The following KIRREL1 variants were observed in gnomAD, a reference collection of about 807,000 sequenced individuals.
KIRREL1 encodes the protein kin of IRRE-like protein 1.
Under a neutral mutation model 83.3 loss-of-function variants are expected in KIRREL1, and 25 were observed. The observed-to-expected ratio is 0.30, with a 90% CI of 0.22 to 0.42. The LOEUF is 0.42. Among genes scored for constraint, KIRREL1 ranks in the 10% least tolerant of loss-of-function variants. The pLI is 1.00. For missense variants in KIRREL1, 812 were observed against 1,032.3 expected (o/e 0.79, Z 2.92); for synonymous variants, 388 against 410.4 (o/e 0.95, Z 0.66).
At chr1:158,071,568 A>T (rs1226741508) in intron 1 of KIRREL1, among the ~76,000 whole-genome samples, 1 of 152,106 alleles carries the variant, frequency 6.6e-6, no homozygotes, top group Admixed American at 6.5e-5. Context: ...CCAGAATTTG[A>T]CCCAGCAATG....
chr1:158,093,249 G>A, intron 11 of KIRREL1, 90 bp from the exon 12 acceptor site: 1 of 1,055,012 alleles, frequency 9.5e-7, no homozygotes. Flanking sequence ...GGTTGCCTCT[G>A]TGGCTGTGGC....
At chr1:158,011,028 C>T (rs948741647) in intron 1 of KIRREL1, among the ~76,000 whole-genome samples, 10 of 152,092 alleles carry the variant, frequency 6.6e-5, no homozygotes, top group African/African-American at 2.4e-4. Flanking sequence ...AAATGAAAAC[C>T]AGGGCCCTCT....
chr1:158,075,647 G>A (rs1260669256), intron 1 of KIRREL1, among the ~76,000 whole-genome samples: 3 of 152,188 alleles, frequency 2.0e-5, no homozygotes, highest in African/African-American at 4.8e-5. Context: ...CACATGACAC[G>A]CGTCTAAGTA....
At chr1:158,010,396 T>C (rs866630919) in intron 1 of KIRREL1, among the ~76,000 whole-genome samples, 126 of 44,578 alleles carry the variant, frequency 2.8e-3, no homozygotes, top group East Asian at 4.5e-3. Context: ...CACACATGCA[T>C]ACACACACAC....
At chr1:158,058,148 C>T (rs1230111006) in intron 1 of KIRREL1, among the ~76,000 whole-genome samples, 5 of 152,120 alleles carry the variant, frequency 3.3e-5, no homozygotes, top group Admixed American at 3.3e-4. Context: ...AGTGGAAGCT[C>T]CCAGAGGGCC....
At chr1:158,083,586 C>T (rs1019442664) in intron 3 of KIRREL1, among the ~76,000 whole-genome samples, 3 of 152,226 alleles carry the variant, frequency 2.0e-5, no homozygotes, top group Admixed American at 2.0e-4. Context: ...GTGGCACATA[C>T]TTAGCTGTGC....
intron 1 of KIRREL1, among the ~76,000 whole-genome samples, chr1:157,998,899 A>C (rs1439506795): frequency 2.0e-5 from 3 of 152,200 alleles, no homozygotes; most frequent in Non-Finnish European, 4.4e-5. Flanking sequence ...TTTCAGGTTA[A>C]TGTTACTCCC....
Position 158,094,261 on chromosome 1 carries a change from CGAAAA to C in KIRREL1, c.1720-49_1720-45del. On this transcript the variant is annotated intron_variant, in intron 13 of 14. Transcript: ENST00000359209. This position sits in a 1 kb window ranked among gnomAD's most constrained non-coding sequence, Gnocchi z 4.6. The stretch of plus-strand genomic sequence containing the variant: ...AGCGTGGGGAGGGGTTGGTGAGGGG[CGAAAA>C]GAGCAGGGCTTCCGTCTGCTGACGT... 6.6e-7 allele frequency: 1 copy of C among 1,518,394 alleles called. No homozygotes were observed. The highest frequency in any genetic ancestry group is 9.0e-7 in the Non-Finnish European group (1 of 1,112,152). The allele number at this position is 1,518,394 out of a possible 1,614,324, so 94.1% of individuals were successfully genotyped here.
chr1:158,093,260 C>G, intron 11 of KIRREL1, 79 bp from the exon 12 acceptor site: 1 of 1,229,930 alleles, frequency 8.1e-7, no homozygotes, highest in Non-Finnish European at 1.2e-6. Context: ...TGGCTGTGGC[C>G]TAGCCTTTAG....
Position 158,096,760 on chromosome 1 carries a change from C to T in KIRREL1, c.*1640C>T, listed in dbSNP as rs767007463. 2.2e-5 allele frequency: 10 copies of T among 456,614 alleles called. No individual in the cohort carries two copies. The highest frequency in any genetic ancestry group is 4.7e-5 in the Admixed American group (2 of 42,562). The allele number at this position is 456,614 out of a possible 1,614,324, so 28.3% of individuals were successfully genotyped here. On this transcript the variant is annotated 3_prime_UTR_variant, in exon 15 of 15. Coordinates refer to ENST00000359209, the MANE Select transcript of KIRREL1 (RefSeq NM_018240.7). ...AGAACCTGTACCCCTGCCCCAGCCT[C>T]GCCTTCCTAAAAAGCAGTGTCTGGA...
At chr1:158,050,344 C>A (rs1660878914) in intron 1 of KIRREL1, among the ~76,000 whole-genome samples, 1 of 151,936 alleles carries the variant, frequency 6.6e-6, no homozygotes, top group South Asian at 2.1e-4. Flanking sequence ...AGATGAAATA[C>A]CTGAGGCCCA....
chr1:158,001,454 A>C (rs964627908), intron 1 of KIRREL1, among the ~76,000 whole-genome samples: 1 of 152,214 alleles, frequency 6.6e-6, no homozygotes, highest in Admixed American at 6.5e-5. Flanking sequence ...ATATGACAGC[A>C]GGTGGTCCTT....
intron 5 of KIRREL1, among the ~76,000 whole-genome samples, chr1:158,087,446 G>T (rs1338491809): frequency 6.6e-6 from 1 of 151,992 alleles, no homozygotes; most frequent in Admixed American, 6.5e-5. Flanking sequence ...AGCAACTGGG[G>T]ATGCCCACAC....
chr1:158,042,911 A>G (rs1428857312), intron 1 of KIRREL1, among the ~76,000 whole-genome samples: 8 of 139,390 alleles, frequency 5.7e-5, no homozygotes, highest in African/African-American at 2.4e-4. Context: ...GTCTCTACTA[A>G]AAAAAAAAAA....
intron 4 of KIRREL1, among the ~76,000 whole-genome samples, chr1:158,085,199 T>G (rs1661981152): frequency 6.6e-6 from 1 of 152,218 alleles, no homozygotes; most frequent in South Asian, 2.1e-4. Flanking sequence ...AAGCGGACAG[T>G]ACAGCTGGAA....
chr1:158,010,326 A>AAC (rs56353855), intron 1 of KIRREL1, among the ~76,000 whole-genome samples: 6,089 of 72,166 alleles, frequency 0.084, 324 homozygotes, highest in African/African-American at 0.12. Context: ...CCCCACCATA[A>AAC]ACACACACAC....
chr1:158,036,774 A>C (rs1398554742), intron 1 of KIRREL1, among the ~76,000 whole-genome samples: 8 of 152,152 alleles, frequency 5.3e-5, no homozygotes, highest in Admixed American at 5.2e-4. Context: ...TATGGTTTTC[A>C]TCTTTTCTGG....
At chr1:158,071,771 G>A (rs1317461563) in intron 1 of KIRREL1, among the ~76,000 whole-genome samples, 2 of 152,178 alleles carry the variant, frequency 1.3e-5, no homozygotes, top group East Asian at 3.9e-4. Context: ...GGCAGGCTCT[G>A]CTCTGTGGCG....
At chr1:158,029,366 T>TGTGTGTGTGTGTGTGTGTGTGTGTGC (rs1553238087) in intron 1 of KIRREL1, among the ~76,000 whole-genome samples, 4 of 148,930 alleles carry the variant, frequency 2.7e-5, no homozygotes, top group Admixed American at 1.3e-4. Flanking sequence ...TGTGTGTGTG[T>TGTGTGTGTGTGTGTGTGTGTGTGTGC]GCACGTGCGC....
Sources: allele counts gnomAD v4.1 joint callset (sites outside exome capture counted in the v4.1 genomes callset), GRCh38; gene constraint gnomAD v4.1.1; non-coding constraint Gnocchi (gnomAD v3.1); transcripts MANE v1.5; gene names NCBI Gene and HGNC (gene_info 2026-07-23, HGNC 2026-07-21).